The following TTC34 variants were observed in gnomAD, a reference collection of about 807,000 sequenced individuals.
TTC34 encodes tetratricopeptide repeat protein 34.
In TTC34, 44 loss-of-function variants were observed where a neutral mutation model predicts 40.7. The observed-to-expected ratio is 1.08, with a 90% CI of 0.85 to 1.39. The LOEUF (loss-of-function observed/expected upper bound fraction) is 1.39. Among genes scored for constraint, TTC34 ranks in the 40% most tolerant of loss-of-function variants. The pLI is 0.00. For missense variants in TTC34, 884 were observed against 838.0 expected (o/e 1.05, Z -0.68); for synonymous variants, 422 against 398.6 (o/e 1.06, Z -0.70).
At chr1:2,681,109 G>A (rs1432400654) in intron 6 of TTC34, among the ~76,000 whole-genome samples, 2 of 90,318 alleles carry the variant, frequency 2.2e-5, no homozygotes, top group Non-Finnish European at 2.5e-5. Flanking sequence ...CACACCCCCA[G>A]GTGAGCATCT....
chr1:2,652,666 C>T (rs200139119), intron 6 of TTC34, among the ~76,000 whole-genome samples: 3 of 139,156 alleles, frequency 2.2e-5, no homozygotes, highest in Middle Eastern at 5.0e-3. Flanking sequence ...AACCTGACAT[C>T]GTGGAGCAGC....
intron 6 of TTC34, among the ~76,000 whole-genome samples, chr1:2,675,487 G>C (rs188297780): frequency 7.0e-4 from 33 of 47,418 alleles, no homozygotes; most frequent in Admixed American, 1.2e-3. Context: ...CACACTCCCA[G>C]GTGAGCATCT....
At chr1:2,786,876 C>T (rs1046335014) in intron 4 of TTC34, among the ~76,000 whole-genome samples, 1 of 152,198 alleles carries the variant, frequency 6.6e-6, no homozygotes, top group South Asian at 2.1e-4. Flanking sequence ...GGCATCCGAA[C>T]CTGGGCAGGG....
At chr1:2,671,583 ACCCACACCCC>A (rs1419321057) in intron 6 of TTC34, among the ~76,000 whole-genome samples, 12 of 146,170 alleles carry the variant, frequency 8.2e-5, no homozygotes, top group Admixed American at 2.0e-4. Context: ...CTGGAGCAGC[ACCCACACCCC>A]CAGTTGAGCA....
intron 6 of TTC34, chr1:2,776,008 G>A (rs1351766629): frequency 1.7e-5 from 2 of 120,174 alleles, no homozygotes; most frequent in South Asian, 6.0e-4. Flanking sequence ...CCACCACAAG[G>A]TGAGCATATG....
exon 5 of TTC34, chr1:2,785,992 G>A: frequency 6.7e-7 from 1 of 1,498,186 alleles, no homozygotes; most frequent in Non-Finnish European, 9.0e-7. Flanking sequence ...GAGGCAGGCG[G>A]TGTCACCAGA....
intron 6 of TTC34, among the ~76,000 whole-genome samples, chr1:2,779,446 C>T (rs1307800413): frequency 6.6e-6 from 1 of 152,128 alleles, no homozygotes; most frequent in East Asian, 1.9e-4. Context: ...GCCTCAGCCT[C>T]CCGAGTAGCT....
chr1:2,683,772 CA>C, intron 6 of TTC34, among the ~76,000 whole-genome samples: 1 of 147,352 alleles, frequency 6.8e-6, no homozygotes, highest in Non-Finnish European at 1.5e-5. Flanking sequence ...GAGCATCTGA[CA>C]GGCTGGAGCA....
chr1:2,683,755 C>G (rs1640190560), intron 6 of TTC34, among the ~76,000 whole-genome samples: 1 of 151,274 alleles, frequency 6.6e-6, no homozygotes, highest in African/African-American at 2.5e-5. Flanking sequence ...CACCCACACC[C>G]CCAGGTGAGC....
At chr1:2,783,869 G>C (rs1643531250) in intron 5 of TTC34, 94 bp from the exon 6 acceptor site, 8 of 1,218,316 alleles carry the variant, frequency 6.6e-6, no homozygotes, top group Non-Finnish European at 8.6e-6. Context: ...GAGGGTGCAT[G>C]AGCTTCAGGG....
At position 2,645,162 on chromosome 1, in the gene TTC34, G is replaced by T; in HGVS notation, c.2497+131C>A. 1 of 1,156,734 alleles carries T rather than the reference G, an allele frequency of 8.6e-7. No individual in the cohort carries two copies. The highest frequency in any genetic ancestry group is 1.1e-6 in the Non-Finnish European group (1 of 880,334). The allele number at this position is 1,156,734 out of a possible 1,614,324, so 71.7% of individuals were successfully genotyped here. A position where few individuals can be genotyped will look rare whatever the true frequency, so the allele number is the denominator to read the frequency against. On this transcript the variant is annotated intron_variant, in intron 7 of 8. Coordinates refer to ENST00000401095, the Ensembl canonical transcript of TTC34. The surrounding 1 kb of genome is among the most constrained non-coding windows in gnomAD (Gnocchi z 4.7). ...AGGGCCAGAGGTCATGGGATTTGGG[G>T]TGGAAGGGACCTTGGAAGCTGTTGT... is the stretch of plus-strand genomic sequence containing the variant.
At chr1:2,768,039 C>T (rs1440762410) in intron 6 of TTC34, among the ~76,000 whole-genome samples, 2 of 151,512 alleles carry the variant, frequency 1.3e-5, no homozygotes, top group Non-Finnish European at 2.9e-5. Flanking sequence ...AAACAGCACC[C>T]CACAACCCCA....
rs1641227686 is a variant in TTC34, at chr1:2,748,820, AG to A, written c.2226+34788del. On this transcript the variant is annotated intron_variant, in intron 6 of 8. Coordinates refer to ENST00000401095, the Ensembl canonical transcript of TTC34. ...CCACACCCACAGGCGAGCATCTGAC[AG>A]CCTCGGTCGGCACCCACAAACCCAG... Among the ~76,000 whole-genome samples, 7 of 145,500 alleles carry A rather than the reference AG, an allele frequency of 4.8e-5. 1 individual carries two copies. The highest frequency in any genetic ancestry group is 1.6e-4 in the African/African-American group (6 of 37,716).
rs773000334 is a variant in TTC34, at chr1:2,796,247, G to A, written c.784+3797C>T. Among the ~76,000 whole-genome samples the A allele has an allele frequency of 6.6e-5, 10 of 152,214 alleles. No individual in the cohort carries two copies. The highest frequency in any genetic ancestry group is 5.9e-5 in the Non-Finnish European group (4 of 68,030). The stretch of plus-strand genomic sequence containing the variant: ...ATTCTGTCACAGCAGCACAAATGGA[G>A]CGACTGGTTTGTGCAATGTTTCCAA... On this transcript the variant is annotated intron_variant, in intron 2 of 8. Coordinates refer to ENST00000401095, the Ensembl canonical transcript of TTC34. This position sits in a 1 kb window ranked among gnomAD's most constrained non-coding sequence, Gnocchi z 4.5.
chr1:2,756,559 A>G, intron 6 of TTC34, among the ~76,000 whole-genome samples: 6 of 151,896 alleles, frequency 4.0e-5, no homozygotes, highest in African/African-American at 1.5e-4. Flanking sequence ...CCAGGTGAGC[A>G]TCTGACAGCC....
chr1:2,652,329 C>G (rs796331243), intron 6 of TTC34, among the ~76,000 whole-genome samples: 2 of 132,798 alleles, frequency 1.5e-5, no homozygotes, highest in Admixed American at 7.4e-5. Context: ...CCCACACCCC[C>G]AGGTGAGCAT....
chr1:2,779,416 CG>C (rs1294013365), intron 6 of TTC34, among the ~76,000 whole-genome samples: 4 of 152,064 alleles, frequency 2.6e-5, no homozygotes, highest in Admixed American at 2.6e-4. Context: ...TCCCACCTCC[CG>C]GGTTCAAGCG....
chr1:2,675,225 G>A, intron 6 of TTC34, among the ~76,000 whole-genome samples: 7 of 149,698 alleles, frequency 4.7e-5, no homozygotes, highest in African/African-American at 1.7e-4. Context: ...CTGAGAGCCT[G>A]GAACAGCACC....
At chr1:2,782,699 C>T (rs769921475) in intron 6 of TTC34, among the ~76,000 whole-genome samples, 3 of 152,202 alleles carry the variant, frequency 2.0e-5, no homozygotes, top group Admixed American at 1.3e-4. Context: ...TCACTTGTCT[C>T]TAAGCATTGT....
Sources: gnomAD v4.1 joint callset for allele counts (sites outside exome capture counted in the v4.1 genomes callset) on GRCh38, gnomAD v4.1.1 for gene constraint, Gnocchi (gnomAD v3.1) non-coding constraint, MANE v1.5 for transcripts, NCBI Gene and HGNC (gene_info 2026-07-23, HGNC 2026-07-21) for gene names.